ZNF766: variants seen among roughly 807,000 people sequenced by gnomAD.
The protein encoded by ZNF766 is zinc finger protein 766.
Under a neutral mutation model 13.2 loss-of-function variants are expected in ZNF766, and 13 were observed. The ratio of observed to expected loss-of-function variants is 0.98; its 90% CI spans 0.64 to 1.56. The LOEUF (loss-of-function observed/expected upper bound fraction) is 1.56, where lower values mean the gene tolerates loss of function less well. Among genes scored for constraint, ZNF766 ranks in the 40% most tolerant of loss-of-function variants. ZNF766 has a pLI of 0.00. For missense variants in ZNF766, 521 were observed against 552.2 expected (o/e 0.94, Z 0.57); for synonymous variants, 178 against 187.6 (o/e 0.95, Z 0.42).
chr19:52,286,155 A>G (rs116288535), intron 3 of ZNF766, among the ~76,000 whole-genome samples: 5,046 of 144,966 alleles, frequency 0.035, 109 homozygotes, highest in African/African-American at 0.042. Flanking sequence ...TAAAAAAAAA[A>G]AAAGAAAGAA....
At chr19:52,277,560 T>C (rs1442377351) in intron 1 of ZNF766, 2 of 1,556,264 alleles carry the variant, frequency 1.3e-6, no homozygotes, top group Non-Finnish European at 1.7e-6. Flanking sequence ...ATATTCTCAG[T>C]AGATTGTTCT....
At chr19:52,274,169 C>A (rs533119367) in intron 1 of ZNF766, among the ~76,000 whole-genome samples, 1 of 152,242 alleles carries the variant, frequency 6.6e-6, no homozygotes, top group African/African-American at 2.4e-5. Flanking sequence ...CTGTATGTCC[C>A]CCTGTATAGT....
At chr19:52,277,042 G>A (rs1474273959) in intron 1 of ZNF766, 1 of 905,634 alleles carries the variant, frequency 1.1e-6, no homozygotes. Flanking sequence ...GATGCAGTGG[G>A]CAGCAGAGGA....
intron 1 of ZNF766, among the ~76,000 whole-genome samples, chr19:52,273,920 T>C (rs1044499016): frequency 2.6e-5 from 4 of 152,180 alleles, no homozygotes; most frequent in Admixed American, 2.6e-4. Flanking sequence ...CCCATTCACA[T>C]ACTCAGGTTG....
chr19:52,288,068 T>C (rs1414762259), intron 3 of ZNF766: 4 of 402,434 alleles, frequency 9.9e-6, no homozygotes, highest in Non-Finnish European at 1.9e-5. Context: ...TCGCCCAGGC[T>C]GGAGTACAGT....
At chr19:52,289,722 C>T (rs146952390) in intron 3 of ZNF766, among the ~76,000 whole-genome samples, 1,563 of 152,162 alleles carry the variant, frequency 0.01, 20 homozygotes, top group African/African-American at 0.035. Context: ...TGCCAGAGTC[C>T]GGGCGCGGTG....
chr19:52,289,861 C>T lies in ZNF766; in HGVS notation c.275-205C>T, dbSNP rs548681866. Among the ~76,000 whole-genome samples the T allele has an allele frequency of 1.6e-3, 243 of 152,160 alleles. 1 individual carries two copies. Among genetic ancestry groups the T allele is most frequent in the Non-Finnish European group, 3.0e-3 (201 of 68,002 alleles). ...TAAAAATACAAAAAAATTAGCTGGG[C>T]GTGGTGGCGGACGCCTGTAGTCCCA... On this transcript the variant is annotated intron_variant, in intron 3 of 3. Transcript: ENST00000439461.
intron 3 of ZNF766, among the ~76,000 whole-genome samples, chr19:52,287,717 A>G (rs1981901335): frequency 6.6e-6 from 1 of 152,212 alleles, no homozygotes; most frequent in Non-Finnish European, 1.5e-5. Context: ...AGTGGTGTCT[A>G]TCTACAAATT....
chr19:52,277,604 G>T (rs1245712583), intron 1 of ZNF766: 41 of 1,509,794 alleles, frequency 2.7e-5, no homozygotes, highest in African/African-American at 2.8e-5. Context: ...CCGGGTGCTG[G>T]AGTTGAGAAT....
intron 1 of ZNF766, among the ~76,000 whole-genome samples, chr19:52,271,505 C>T (rs889771505): frequency 5.9e-5 from 9 of 152,312 alleles, no homozygotes; most frequent in Admixed American, 5.2e-4. Context: ...TGGTCTGTCC[C>T]TCCCCCTGGC....
In ZNF766 at chr19:52,291,273, T is replaced by G. The variant is rs1982132484; in HGVS notation, c.*75T>G. 5.0e-6 allele frequency: 7 copies of G among 1,396,208 alleles called. No homozygotes were observed. Among genetic ancestry groups the G allele is most frequent in the Non-Finnish European group, 6.8e-6 (7 of 1,030,340 alleles). The allele number at this position is 1,396,208 out of a possible 1,614,324, so 86.5% of individuals were successfully genotyped here. On this transcript the variant is annotated 3_prime_UTR_variant, in exon 4 of 4. Coordinates refer to ENST00000439461, the MANE Select transcript of ZNF766 (RefSeq NM_001010851.3). ...CTATACTAGAAAGAAATCATTTAAA[T>G]GTACTATATGTGGCACAGGCTGTAT...
rs1982083797 is a variant in ZNF766, at chr19:52,290,585, A to C, written c.794A>C (p.His265Pro). 1 of 1,614,058 alleles carries C rather than the reference A, an allele frequency of 6.2e-7. No individual in the cohort carries two copies. Among genetic ancestry groups the C allele is most frequent in the Admixed American group, 1.7e-5 (1 of 60,000 alleles). ...TACCTTGCACGACACGAGAAAGTGCATACTGGAGAGAGTCCTTACAAATGT... is the reference window on the plus strand; with the variant it reads ...TACCTTGCACGACACGAGAAAGTGCCTACTGGAGAGAGTCCTTACAAATGT... ...IAYLARHEKV[H>P]TGESPYKCNE... Residue 265 changes from histidine to proline, a missense_variant, in exon 4 of 4, where the codon CAT (histidine) becomes CCT (proline). Transcript: ENST00000439461.
intron 2 of ZNF766, among the ~76,000 whole-genome samples, chr19:52,282,821 C>T (rs1306371621): frequency 2.6e-5 from 4 of 152,170 alleles, no homozygotes; most frequent in Non-Finnish European, 4.4e-5. Flanking sequence ...TTTTCTACCC[C>T]TGTGCTTTTG....
chr19:52,269,731 C>T (rs1980887617), intron 1 of ZNF766, 100 bp downstream of exon 1: 1 of 1,429,734 alleles, frequency 7.0e-7, no homozygotes, highest in Non-Finnish European at 9.6e-7. Context: ...AATCCCCGCA[C>T]CGCTCTCTCC....
At chr19:52,270,467 A>T (rs530192616) in intron 1 of ZNF766, among the ~76,000 whole-genome samples, 1 of 152,202 alleles carries the variant, frequency 6.6e-6, no homozygotes, top group East Asian at 1.9e-4. Context: ...CAAGGTAGGG[A>T]GAGGGGCAGC....
Position 52,290,472 on chromosome 19 carries a change from G to A in ZNF766, c.681G>A (p.Lys227=). The change falls in exon 4 of 4, where the codon AAG becomes AAA. Residue 227 remains lysine (K), a synonymous_variant. Transcript: ENST00000439461. The part of the protein sequence containing the change: ...CHECGKTVRD[K]SGLAEHWRIR... The stretch of plus-strand genomic sequence containing the variant: ...AATGTGGTAAAACCGTCAGGGACAA[G>A]TCAGGCCTCGCAGAACATTGGAGAA... 6.2e-7 allele frequency: 1 copy of A among 1,613,934 alleles called. No individual in the cohort carries two copies. The highest frequency in any genetic ancestry group is 2.2e-5 in the East Asian group (1 of 44,884).
At position 52,290,101 on chromosome 19, in the gene ZNF766, A is replaced by G; in HGVS notation, c.310A>G (p.Lys104Glu). The change falls in exon 4 of 4, where the codon AAG becomes GAG. Residue 104 changes from lysine to glutamate, a missense_variant. Transcript: ENST00000439461. ...TGCAGTGAGAAGCAAAGCAGGAAAC[A>G]AGCCTATTACAAATCAACTTGGATT... ...SCAVRSKAGN[K>E]PITNQLGLTF... The G allele has an allele frequency of 6.2e-7, 1 of 1,613,458 alleles. No individual in the cohort carries two copies. Among genetic ancestry groups the G allele is most frequent in the Middle Eastern group, 1.7e-4 (1 of 6,060 alleles).
chr19:52,284,177 T>G (rs559264716), intron 3 of ZNF766, among the ~76,000 whole-genome samples: 1 of 152,366 alleles, frequency 6.6e-6, no homozygotes, highest in African/African-American at 2.4e-5. Context: ...AGTCCTTGAT[T>G]CTGAGGGTCA....
intron 3 of ZNF766, among the ~76,000 whole-genome samples, chr19:52,289,772 G>T (rs866342829): frequency 6.6e-6 from 1 of 152,026 alleles, no homozygotes; most frequent in African/African-American, 2.4e-5. Context: ...AGGCCACGGC[G>T]GGCGGATCAC....
Sources: allele counts gnomAD v4.1 joint callset (sites outside exome capture counted in the v4.1 genomes callset), GRCh38; gene constraint gnomAD v4.1.1; transcripts MANE v1.5; gene names NCBI Gene and HGNC (gene_info 2026-07-23, HGNC 2026-07-21).